TMEM156: variants seen among roughly 807,000 people sequenced by gnomAD.
TMEM156 encodes transmembrane protein 156.
In TMEM156, 28 loss-of-function variants were observed where a neutral mutation model predicts 30.5. The ratio of observed to expected loss-of-function variants is 0.92; its 90% CI spans 0.68 to 1.26. TMEM156 has a LOEUF of 1.26. Among genes scored for constraint, TMEM156 ranks in the 50% most tolerant of loss-of-function variants. The pLI, the probability that TMEM156 is intolerant of heterozygous loss-of-function variation, is 0.00. For synonymous variants in TMEM156, 137 were observed against 119.9 expected, an observed-to-expected ratio of 1.14 and a Z score of -0.93; for missense variants, 351 against 340.6, an observed-to-expected ratio of 1.03 and a Z score of -0.24.
chr4:38,981,640 A>G (rs1711561988), intron 5 of TMEM156, among the ~76,000 whole-genome samples: 1 of 152,154 alleles, frequency 6.6e-6, no homozygotes. Context: ...TCTGTTAGAA[A>G]CCAGCTATGA....
At chr4:39,009,119 T>C (rs900506080) in intron 1 of TMEM156, among the ~76,000 whole-genome samples, 6 of 152,036 alleles carry the variant, frequency 3.9e-5, no homozygotes. Context: ...GAGACTACTA[T>C]CTCTGCATAC....
intron 1 of TMEM156, among the ~76,000 whole-genome samples, chr4:39,020,197 T>C (rs899958188): frequency 5.9e-5 from 9 of 152,212 alleles, no homozygotes; most frequent in African/African-American, 2.2e-4. Context: ...TCTTTATCCA[T>C]TCATTCACTG....
chr4:38,969,092 C>A (rs756959687), intron 6 of TMEM156, among the ~76,000 whole-genome samples: 3 of 152,196 alleles, frequency 2.0e-5, no homozygotes, highest in African/African-American at 7.2e-5. Flanking sequence ...GGATATCTGT[C>A]GCCCAAGTAC....
chr4:39,019,022 AAAAAACAAAAC>A (rs771923219), intron 1 of TMEM156, among the ~76,000 whole-genome samples: 2 of 83,536 alleles, frequency 2.4e-5, no homozygotes, highest in African/African-American at 1.4e-4. Flanking sequence ...CTCCATCTTA[AAAAAACAAAAC>A]AAAAAAAAAA....
At chr4:38,970,115 A>G (rs1296933391) in intron 6 of TMEM156, among the ~76,000 whole-genome samples, 1 of 151,320 alleles carries the variant, frequency 6.6e-6, no homozygotes, top group African/African-American at 2.4e-5. Context: ...CTCCTGTAGG[A>G]CAGCCCTCCT....
intron 3 of TMEM156, among the ~76,000 whole-genome samples, chr4:38,991,659 G>A (rs1712472232): frequency 1.4e-5 from 2 of 144,410 alleles, no homozygotes; most frequent in South Asian, 2.3e-4. Context: ...TAGAATTTAT[G>A]GATTTTTTTC....
intron 1 of TMEM156, among the ~76,000 whole-genome samples, chr4:39,019,439 G>C (rs1418157672): frequency 6.6e-6 from 1 of 151,998 alleles, no homozygotes; most frequent in African/African-American, 2.4e-5. Flanking sequence ...AATAGTCTTT[G>C]TTCCTTGCTC....
At chr4:39,025,443 A>T (rs1290804894) in intron 1 of TMEM156, among the ~76,000 whole-genome samples, 2 of 152,080 alleles carry the variant, frequency 1.3e-5, no homozygotes, top group African/African-American at 2.4e-5. Context: ...GAGGCCAATC[A>T]TTGAAGGCTC....
At chr4:39,021,640 T>C (rs923911206) in intron 1 of TMEM156, among the ~76,000 whole-genome samples, 2 of 152,228 alleles carry the variant, frequency 1.3e-5, no homozygotes, top group Non-Finnish European at 2.9e-5. Context: ...GATTTTTAGT[T>C]TGATACAATC....
At chr4:39,016,234 ATAG>A (rs1258302949) in intron 1 of TMEM156, among the ~76,000 whole-genome samples, 1 of 152,076 alleles carries the variant, frequency 6.6e-6, no homozygotes, top group Admixed American at 6.6e-5. Flanking sequence ...TTAGCCGGGC[ATAG>A]TGGTGTGAGT....
chr4:39,027,739 TTCTG>T (rs1053920251), intron 1 of TMEM156, among the ~76,000 whole-genome samples: 37 of 145,246 alleles, frequency 2.5e-4, no homozygotes, highest in Non-Finnish European at 2.1e-4. Flanking sequence ...TCCTTTTTCT[TTCTG>T]TCTTTTTTCT....
rs1004437265 is a variant in TMEM156 at position 38,984,236 on chromosome 4, C to T, written c.823+2100G>A. Among the ~76,000 whole-genome samples, 31 of 152,000 alleles carry T rather than the reference C, an allele frequency of 2.0e-4. 1 individual carries two copies. The highest frequency in any genetic ancestry group is 7.0e-4 in the African/African-American group (29 of 41,364). ...TCTGCCAGGCACAATGTGGTGCCTG[C>T]GTCCTGGTAATCTCTCCTTATTTCT... is the stretch of plus-strand genomic sequence containing the variant. On this transcript the variant is annotated intron_variant, in intron 5 of 6. Coordinates refer to ENST00000381938, the MANE Select transcript of TMEM156 (RefSeq NM_024943.3).
At chr4:39,020,416 T>C (rs921453086) in intron 1 of TMEM156, among the ~76,000 whole-genome samples, 1 of 152,252 alleles carries the variant, frequency 6.6e-6, no homozygotes, top group South Asian at 2.1e-4. Flanking sequence ...TACTTTTTTT[T>C]AAAGAGACAG....
At chr4:38,992,541 C>T (rs1340130583) in intron 3 of TMEM156, among the ~76,000 whole-genome samples, 2 of 150,602 alleles carry the variant, frequency 1.3e-5, no homozygotes, top group East Asian at 3.9e-4. Flanking sequence ...CTAATCTGTA[C>T]CTCACCCTAT....
At chr4:38,990,910 T>G (rs1252500802) in intron 3 of TMEM156, among the ~76,000 whole-genome samples, 3 of 138,424 alleles carry the variant, frequency 2.2e-5, no homozygotes, top group African/African-American at 8.0e-5. Flanking sequence ...CTCGGCTCAC[T>G]GCAACCTCCA....
intron 2 of TMEM156, among the ~76,000 whole-genome samples, chr4:38,995,337 T>C (rs985188836): frequency 1.3e-5 from 2 of 152,200 alleles, no homozygotes; most frequent in Non-Finnish European, 2.9e-5. Context: ...ATAACACACA[T>C]GTTACCCTAA....
In TMEM156 at chr4:39,004,995, T is replaced by A. The variant is rs187425410; in HGVS notation, c.89-6086A>T. On this transcript the variant is annotated intron_variant, in intron 1 of 6. Coordinates refer to ENST00000381938, the MANE Select transcript of TMEM156 (RefSeq NM_024943.3). ...GGAAACAATTCAAATGTCTAAAAAC[T>A]AGTGAATATATAAACAACTCTTGCT... 9.4e-4 allele frequency among the ~76,000 whole-genome samples: 143 copies of A among 152,250 alleles called. 1 individual carries two copies. Among genetic ancestry groups the A allele is most frequent in the African/African-American group, 3.3e-3 (136 of 41,540 alleles).
At chr4:38,988,273 G>T (rs574172409) in intron 4 of TMEM156, among the ~76,000 whole-genome samples, 5 of 152,302 alleles carry the variant, frequency 3.3e-5, no homozygotes, top group Admixed American at 2.6e-4. Context: ...GCCCAGGCTG[G>T]AGTGCAGTGG....
chr4:39,013,245 G>C (rs559023670), intron 1 of TMEM156, among the ~76,000 whole-genome samples: 1 of 149,644 alleles, frequency 6.7e-6, no homozygotes, highest in East Asian at 2.0e-4. Flanking sequence ...AGGCTGCAGT[G>C]AGCAGAGATC....
Sources: allele counts gnomAD v4.1 joint callset (sites outside exome capture counted in the v4.1 genomes callset), GRCh38; gene constraint gnomAD v4.1.1; transcripts MANE v1.5; gene names NCBI Gene and HGNC (gene_info 2026-07-23, HGNC 2026-07-21).